STARD6: variants seen among roughly 807,000 people sequenced by gnomAD.
STARD6 encodes stAR-related lipid transfer protein 6.
STARD6 carries 21 observed loss-of-function variants against 22.3 expected under a neutral mutation model. That is an observed-to-expected ratio of 0.94 (90% CI 0.67 to 1.35). The LOEUF (loss-of-function observed/expected upper bound fraction) is 1.35, where lower values mean the gene tolerates loss of function less well. Ranked by LOEUF, STARD6 falls within the 40% of genes most tolerant of loss-of-function variation. STARD6 has a pLI of 0.00. For synonymous variants in STARD6, 80 were observed against 88.1 expected (o/e 0.91, Z 0.52); for missense variants, 269 against 266.9 (o/e 1.01, Z -0.05).
At chr18:54,326,994 C>T (rs2088830162) in intron 7 of STARD6, among the ~76,000 whole-genome samples, 1 of 152,132 alleles carries the variant, frequency 6.6e-6, no homozygotes, top group Non-Finnish European at 1.5e-5. Context: ...TGAAACTGAG[C>T]TTTGCTATTA....
At chr18:54,325,794 C>G in intron 7 of STARD6, among the ~76,000 whole-genome samples, 1 of 152,150 alleles carries the variant, frequency 6.6e-6, no homozygotes, top group East Asian at 1.9e-4. Context: ...AAGCGATCCT[C>G]CCACTTCGGC....
intron 7 of STARD6, among the ~76,000 whole-genome samples, chr18:54,327,572 G>T (rs966487304): frequency 2.0e-5 from 3 of 152,110 alleles, no homozygotes; most frequent in Non-Finnish European, 4.4e-5. Context: ...TACTGGATAC[G>T]TTTATAAGGA....
At chr18:54,352,710 G>C (rs1215581514) in intron 4 of STARD6, among the ~76,000 whole-genome samples, 2 of 152,208 alleles carry the variant, frequency 1.3e-5, no homozygotes, top group Non-Finnish European at 2.9e-5. Flanking sequence ...AGTTTTGCAT[G>C]TAAGAGTAAA....
At chr18:54,342,356 G>A (rs967968061) in intron 4 of STARD6, among the ~76,000 whole-genome samples, 7 of 151,844 alleles carry the variant, frequency 4.6e-5, no homozygotes, top group Non-Finnish European at 1.0e-4. Context: ...TAAAAGAGGA[G>A]GAAACATTTC....
intron 4 of STARD6, among the ~76,000 whole-genome samples, chr18:54,353,555 G>A (rs764829886): frequency 3.9e-5 from 6 of 152,182 alleles, no homozygotes; most frequent in Non-Finnish European, 8.8e-5. Context: ...AGTTATTCAG[G>A]AGGCCGAGGC....
chr18:54,334,610 G>C (rs1049119017), intron 5 of STARD6, among the ~76,000 whole-genome samples: 2 of 151,726 alleles, frequency 1.3e-5, no homozygotes, highest in African/African-American at 2.4e-5. Context: ...GCTTTACCCT[G>C]TGTCTGCTAC....
At chr18:54,327,548 T>C (rs1406004414) in intron 7 of STARD6, among the ~76,000 whole-genome samples, 14 of 152,192 alleles carry the variant, frequency 9.2e-5, no homozygotes, top group Admixed American at 8.5e-4. Flanking sequence ...TTTCAAGTTA[T>C]GGTATTTATA....
At chr18:54,330,326 A>AT (rs953304013) in intron 6 of STARD6, among the ~76,000 whole-genome samples, 1 of 151,956 alleles carries the variant, frequency 6.6e-6, no homozygotes, top group African/African-American at 2.4e-5. Flanking sequence ...ATTATAAAAG[A>AT]TTTTTTCCCT....
intron 4 of STARD6, among the ~76,000 whole-genome samples, chr18:54,346,002 T>G (rs1233837622): frequency 6.6e-6 from 1 of 152,094 alleles, no homozygotes; most frequent in African/African-American, 2.4e-5. Context: ...TGACCTTGGG[T>G]CAGCCAATTA....
intron 4 of STARD6, among the ~76,000 whole-genome samples, chr18:54,346,353 A>G (rs768265838): frequency 2.0e-5 from 3 of 152,172 alleles, no homozygotes; most frequent in Non-Finnish European, 4.4e-5. Flanking sequence ...CAAATCCACA[A>G]TGAGATACCA....
intron 4 of STARD6, among the ~76,000 whole-genome samples, chr18:54,346,404 T>A (rs939960363): frequency 6.6e-6 from 1 of 151,872 alleles, no homozygotes; most frequent in Non-Finnish European, 1.5e-5. Context: ...AGAAGACAGA[T>A]ATGAAAAATG....
At chr18:54,352,067 C>T (rs77943851) in intron 4 of STARD6, among the ~76,000 whole-genome samples, 4 of 150,208 alleles carry the variant, frequency 2.7e-5, no homozygotes, top group Admixed American at 1.3e-4. Flanking sequence ...GAATCCATCT[C>T]GTTCTGGACT....
At chr18:54,347,437 T>C (rs1413343421) in intron 4 of STARD6, among the ~76,000 whole-genome samples, 1 of 152,118 alleles carries the variant, frequency 6.6e-6, no homozygotes, top group African/African-American at 2.4e-5. Context: ...TGGATACTGA[T>C]GTTACCAATT....
At chr18:54,329,486 A>G (rs1472723293) in intron 6 of STARD6, 46 bp from the exon 7 acceptor site, 2 of 1,428,270 alleles carry the variant, frequency 1.4e-6, no homozygotes, top group Non-Finnish European at 9.6e-7. Flanking sequence ...CACAAAGAGG[A>G]AAAACTATTT....
intron 4 of STARD6, among the ~76,000 whole-genome samples, chr18:54,342,425 CT>C: frequency 4.2e-5 from 1 of 23,590 alleles, no homozygotes; most frequent in African/African-American, 1.0e-4. Context: ...TGCTCTCCGT[CT>C]CCCTCTCCCT....
In STARD6 at chr18:54,324,571, G is replaced by A. The variant is rs754161318; in HGVS notation, c.*121C>T. 9.0e-6 allele frequency: 8 copies of A among 891,418 alleles called. No homozygotes were observed. Among genetic ancestry groups the A allele is most frequent in the Non-Finnish European group, 1.3e-5 (8 of 613,826 alleles). The allele number at this position is 891,418 out of a possible 1,614,324, so 55.2% of individuals were successfully genotyped here. On this transcript the variant is annotated 3_prime_UTR_variant, in exon 8 of 8. Transcript: ENST00000307844. Reference sequence around the variant, plus strand: ...TTTTATGAACTATCTTCAGCCATGTGTACAAGAATACTGTCTAGAATAGTT... The same window carrying A: ...TTTTATGAACTATCTTCAGCCATGTATACAAGAATACTGTCTAGAATAGTT...
chr18:54,351,893 T>C (rs2144696183), intron 4 of STARD6, among the ~76,000 whole-genome samples: 1 of 134,848 alleles, frequency 7.4e-6, no homozygotes, highest in East Asian at 2.2e-4. Flanking sequence ...TCAGGGATAT[T>C]GGTCCGTTTT....
At chr18:54,332,857 A>C (rs1613230) in intron 5 of STARD6, among the ~76,000 whole-genome samples, 10,215 of 152,176 alleles carry the variant, frequency 0.067, 396 homozygotes, top group African/African-American at 0.087. Context: ...GTGAGCTTTG[A>C]TCACAACACT....
In STARD6 at chr18:54,354,105, T is replaced by C; in HGVS notation, c.91-2A>G. ...CTTACTGGAAACAGTTATCTTTTTC[T>C]CAAAGGGGAATAAAAATCCACAAAT... is the stretch of plus-strand genomic sequence containing the variant. On this transcript the variant is annotated splice_acceptor_variant, in intron 3 of 7. Coordinates refer to ENST00000307844, the MANE Select transcript of STARD6 (RefSeq NM_139171.2). LOFTEE classifies it high-confidence loss of function. The C allele has an allele frequency of 6.4e-7, 1 of 1,550,502 alleles. No individual in the cohort carries two copies. The highest frequency in any genetic ancestry group is 1.4e-5 in the African/African-American group (1 of 72,700).
Sources: gnomAD v4.1 joint callset for allele counts (sites outside exome capture counted in the v4.1 genomes callset) on GRCh38, gnomAD v4.1.1 for gene constraint, MANE v1.5 for transcripts, NCBI Gene and HGNC (gene_info 2026-07-23, HGNC 2026-07-21) for gene names.